Variants in CDK19 observed in about 807,000 individuals in gnomAD.
The protein encoded by CDK19 is cyclin-dependent kinase 19.
A neutral mutation model predicts 68.3 loss-of-function variants in CDK19; 20 were observed. The ratio of observed to expected loss-of-function variants is 0.29; its 90% confidence interval spans 0.21 to 0.43. CDK19 has a LOEUF of 0.43. Among genes scored for constraint, CDK19 ranks in the 20% least tolerant of loss-of-function variants. The pLI is 1.00. For synonymous variants in CDK19, 221 were observed against 222.8 expected (o/e 0.99, Z 0.07); for missense variants, 339 against 623.5 (o/e 0.54, Z 4.86).
chr6:110,803,986 G>A (rs947190074), intron 1 of CDK19, among the ~76,000 whole-genome samples: 1 of 152,046 alleles, frequency 6.6e-6, no homozygotes, highest in African/African-American at 2.4e-5. Context: ...AGAGAAGAAA[G>A]AAAGAAATAC....
At chr6:110,808,423 A>G (rs549990936) in intron 1 of CDK19, among the ~76,000 whole-genome samples, 5 of 152,226 alleles carry the variant, frequency 3.3e-5, no homozygotes, top group African/African-American at 1.2e-4. Flanking sequence ...ACTGGAACAC[A>G]GCCATCCTTA....
At chr6:110,804,282 T>A (rs921684396) in intron 1 of CDK19, among the ~76,000 whole-genome samples, 1 of 152,164 alleles carries the variant, frequency 6.6e-6, no homozygotes, top group Non-Finnish European at 1.5e-5. Flanking sequence ...GTTTAAAGCC[T>A]CTATAAGAAG....
At chr6:110,652,031 G>A (rs868399975) in intron 4 of CDK19, among the ~76,000 whole-genome samples, 1 of 151,888 alleles carries the variant, frequency 6.6e-6, no homozygotes, top group Non-Finnish European at 1.5e-5. Flanking sequence ...CTGAGATCAC[G>A]CCATTGCACT....
intron 9 of CDK19, 51 bp from the exon 10 acceptor site, chr6:110,622,963 T>G (rs1445395981): frequency 9.1e-7 from 1 of 1,096,190 alleles, no homozygotes; most frequent in Non-Finnish European, 1.4e-6. Context: ...TATTTACAAG[T>G]CAACACCTTG....
chr6:110,644,343 A>G (rs1780403660), intron 4 of CDK19, among the ~76,000 whole-genome samples: 1 of 152,070 alleles, frequency 6.6e-6, no homozygotes, highest in African/African-American at 2.4e-5. Context: ...GAGAGTAGAA[A>G]TATGGTTACC....
chr6:110,730,526 A>C (rs1022215637), intron 2 of CDK19, among the ~76,000 whole-genome samples: 1 of 152,238 alleles, frequency 6.6e-6, no homozygotes, highest in Non-Finnish European at 1.5e-5. Context: ...CATAACATGT[A>C]GATAGTTACG....
intron 1 of CDK19, among the ~76,000 whole-genome samples, chr6:110,812,308 G>C (rs1035183942): frequency 6.6e-6 from 1 of 152,018 alleles, no homozygotes; most frequent in East Asian, 1.9e-4. Flanking sequence ...ATTTTTAATA[G>C]AGACGGGGTT....
chr6:110,778,084 T>G (rs1671948632), intron 1 of CDK19, among the ~76,000 whole-genome samples: 1 of 152,134 alleles, frequency 6.6e-6, no homozygotes, highest in African/African-American at 2.4e-5. Context: ...ACAATATGAA[T>G]GTACTCAATC....
chr6:110,672,084 C>T (rs1165915381), intron 2 of CDK19, among the ~76,000 whole-genome samples: 1 of 152,144 alleles, frequency 6.6e-6, no homozygotes, highest in Non-Finnish European at 1.5e-5. Context: ...ATCTCTGGCT[C>T]TGGCAAACCC....
At chr6:110,633,228 A>C (rs1033693418) in intron 5 of CDK19, among the ~76,000 whole-genome samples, 2 of 152,130 alleles carry the variant, frequency 1.3e-5, no homozygotes, top group Non-Finnish European at 2.9e-5. Flanking sequence ...CAAAACAAAC[A>C]AACAAGAGAC....
chr6:110,772,038 G>A (rs1780050136), intron 1 of CDK19, among the ~76,000 whole-genome samples: 2 of 152,106 alleles, frequency 1.3e-5, no homozygotes, highest in Admixed American at 6.5e-5. Flanking sequence ...ATCTTCTTCT[G>A]AGCCCTTCAA....
intron 2 of CDK19, among the ~76,000 whole-genome samples, chr6:110,680,511 CAAAG>C (rs1205893348): frequency 6.6e-6 from 1 of 151,864 alleles, no homozygotes; most frequent in East Asian, 1.9e-4. Context: ...CTGAAAAAAA[CAAAG>C]AAGTTAACTT....
intron 4 of CDK19, among the ~76,000 whole-genome samples, chr6:110,665,899 G>A (rs1053876331): frequency 2.6e-5 from 4 of 151,690 alleles, no homozygotes; most frequent in African/African-American, 7.3e-5. Flanking sequence ...AGCACACCAC[G>A]CCCAGCCAAT....
At chr6:110,622,195 T>A (rs749888534) in intron 10 of CDK19, 29 bp from the exon 11 acceptor site, 4 of 1,431,008 alleles carry the variant, frequency 2.8e-6, no homozygotes, top group Admixed American at 1.8e-5. Context: ...AAAAAACATA[T>A]CATGATCTAA....
intron 2 of CDK19, among the ~76,000 whole-genome samples, chr6:110,707,103 G>A (rs913771866): frequency 4.6e-5 from 7 of 151,736 alleles, no homozygotes; most frequent in African/African-American, 1.7e-4. Context: ...CTGAGGTCAG[G>A]AGTTTGAGAC....
chr6:110,784,819 AAT>A (rs144658386), intron 1 of CDK19, among the ~76,000 whole-genome samples: 4,117 of 152,318 alleles, frequency 0.027, 80 homozygotes, highest in South Asian at 0.084. Context: ...TACATGCTAC[AAT>A]ATGAGTGAAC....
At chr6:110,668,385 A>G (rs981146223) in intron 3 of CDK19, among the ~76,000 whole-genome samples, 9 of 152,252 alleles carry the variant, frequency 5.9e-5, no homozygotes, top group African/African-American at 1.9e-4. Flanking sequence ...TTATTAAGCT[A>G]TTTATACAGC....
intron 2 of CDK19, among the ~76,000 whole-genome samples, chr6:110,721,646 T>A (rs188399372): frequency 6.6e-6 from 1 of 152,276 alleles, no homozygotes; most frequent in East Asian, 1.9e-4. Context: ...AAACATGACT[T>A]GTGTTTCCTT....
chr6:110,628,836 T>C (rs1043078843), intron 6 of CDK19, among the ~76,000 whole-genome samples: 1 of 152,210 alleles, frequency 6.6e-6, no homozygotes, highest in African/African-American at 2.4e-5. Context: ...TGGAAACATA[T>C]TCCTTTGACG....
Sources: allele counts gnomAD v4.1 joint callset (sites outside exome capture counted in the v4.1 genomes callset), GRCh38; gene constraint gnomAD v4.1.1; transcripts MANE v1.5; gene names NCBI Gene and HGNC (gene_info 2026-07-23, HGNC 2026-07-21).